The following CD59 variants were observed in gnomAD, a reference collection of about 807,000 sequenced individuals.
The protein encoded by CD59 is CD59 molecule (CD59 blood group).
In CD59, 3 loss-of-function variants were observed where a neutral mutation model predicts 7.0. The observed-to-expected ratio is 0.43, with a 90% CI of 0.19 to 1.10. The LOEUF is 1.10. Among genes scored for constraint, CD59 ranks in the 50% least tolerant of loss-of-function variants. The probability of loss-of-function intolerance (pLI) is 0.29; values close to 1 mark genes in which losing one functional copy is unlikely to be tolerated. For synonymous variants in CD59, 60 were observed against 62.0 expected (o/e 0.97, Z 0.15); for missense variants, 143 against 151.0 (o/e 0.95, Z 0.28).
intron 3 of CD59, among the ~76,000 whole-genome samples, chr11:33,714,784 T>A (rs190723812): frequency 6.6e-6 from 1 of 152,140 alleles, no homozygotes; most frequent in Non-Finnish European, 1.5e-5. Context: ...TAGTCCTACA[T>A]AGGGTCTGGA....
rs1210316484 is a variant in CD59 at position 33,735,583 on chromosome 11, C to T, written c.-19+799G>A. ...AGTCAGACTCTAAGAAGGGTGCGGC[C>T]CGAGCCGACCCAAGAAAACAAAACA... On this transcript the variant is annotated intron_variant, in intron 1 of 3. Transcript: ENST00000642928. Among the ~76,000 whole-genome samples the T allele has an allele frequency of 3.3e-5, 5 of 152,196 alleles. No individual in the cohort carries two copies. In the East Asian group the frequency reaches 9.7e-4, roughly 29 times the overall value.
In CD59 at chr11:33,710,281, G is replaced by A. The variant is rs146075291; in HGVS notation, c.232C>T (p.Arg78Cys). 1.9e-6 allele frequency: 3 copies of A among 1,614,134 alleles called. No individual in the cohort carries two copies. Among genetic ancestry groups the A allele is most frequent in the Non-Finnish European group, 1.7e-6 (2 of 1,180,000 alleles). ...TACGTTAGCTCATTTTCCCTCAAGC[G>A]GGTTGTGACGTCGTTGAAATTGCAA... The part of the protein sequence containing the change: ...EHCNFNDVTT[R>C]LRENELTYYC... The change falls in exon 4 of 4, where the codon CGC becomes TGC. Residue 78 changes from arginine to cysteine, a missense_variant. By Grantham distance (180) the Arg-to-Cys change is radical. Coordinates refer to ENST00000642928, the MANE Select transcript of CD59 (RefSeq NM_000611.6).
At chr11:33,731,704 G>C (rs1279987138) in intron 1 of CD59, among the ~76,000 whole-genome samples, 3 of 152,180 alleles carry the variant, frequency 2.0e-5, no homozygotes, top group East Asian at 3.8e-4. Context: ...TGGCATAAGG[G>C]CCAGGTTACT....
rs377437225 is a variant in CD59 at position 33,736,245 on chromosome 11, G to C, written c.-19+137C>G. The C allele has an allele frequency of 6.6e-6, 1 of 152,370 alleles. No homozygotes were observed. Among genetic ancestry groups the C allele is most frequent in the Non-Finnish European group, 1.5e-5 (1 of 68,176 alleles). 9.4% of individuals were successfully genotyped at this position (152,370 alleles called of 1,614,324 possible). A position where few individuals can be genotyped will look rare whatever the true frequency, so the allele number is the denominator to read the frequency against. ...TGACGGGTTGGAAGGGCCAGGCCTCGGGAGGCTCGCCCGGCAGGGGTCGAG... is the reference window on the plus strand; with the variant it reads ...TGACGGGTTGGAAGGGCCAGGCCTCCGGAGGCTCGCCCGGCAGGGGTCGAG... On this transcript the variant is annotated intron_variant, in intron 1 of 3. Transcript: ENST00000642928. The surrounding 1 kb of genome is among the most constrained non-coding windows in gnomAD (Gnocchi z 4.4).
At chr11:33,726,784 A>G (rs777657065) in intron 1 of CD59, among the ~76,000 whole-genome samples, 35 of 152,204 alleles carry the variant, frequency 2.3e-4, no homozygotes, top group Non-Finnish European at 4.7e-4. Flanking sequence ...TAGCCAGACT[A>G]ATAAAGAAGG....
At chr11:33,726,081 G>A (rs561393034) in intron 1 of CD59, among the ~76,000 whole-genome samples, 2 of 152,178 alleles carry the variant, frequency 1.3e-5, no homozygotes, top group Admixed American at 1.3e-4. Flanking sequence ...CAATAATAGT[G>A]GGAGACTTTA....
chr11:33,717,302 G>A (rs1853837446), intron 3 of CD59, 68 bp downstream of exon 3: 1 of 929,900 alleles, frequency 1.1e-6, no homozygotes, highest in African/African-American at 1.6e-5. Context: ...GGATTACAGT[G>A]GCACAATTTT....
chr11:33,736,467 GC>G (rs888440635), upstream of CD59: 7 of 152,460 alleles, frequency 4.6e-5, no homozygotes, highest in African/African-American at 9.6e-5. This position sits in a 1 kb window ranked among gnomAD's most constrained non-coding sequence, Gnocchi z 4.4. Context: ...GCAAGGCTCC[GC>G]CCCCCGGCCC....
chr11:33,735,913 C>CAAA (rs571280343), intron 1 of CD59, among the ~76,000 whole-genome samples: 1 of 139,778 alleles, frequency 7.2e-6, no homozygotes, highest in Non-Finnish European at 1.6e-5. Flanking sequence ...AACTCCATCT[C>CAAA]AAAAAAAAAA....
At chr11:33,736,424 G>C (rs1854581126), upstream of CD59, 1 of 152,610 alleles carries the variant, frequency 6.6e-6, no homozygotes, top group Non-Finnish European at 1.5e-5. The surrounding 1 kb of genome is among the most constrained non-coding windows in gnomAD (Gnocchi z 4.4). Context: ...AGCCGCTTCT[G>C]CGCTCAGCCC....
chr11:33,720,176 T>C (rs756660852), intron 2 of CD59, among the ~76,000 whole-genome samples: 2 of 152,208 alleles, frequency 1.3e-5, no homozygotes, highest in African/African-American at 4.8e-5. Context: ...CTTCATAGGA[T>C]TGTTAAGAGA....
chr11:33,705,782 G>A lies in CD59; in HGVS notation c.*4344C>T, dbSNP rs1853284737. 6.6e-6 allele frequency: 1 copy of A among 152,094 alleles called. No individual in the cohort carries two copies. The highest frequency in any genetic ancestry group is 1.5e-5 in the Non-Finnish European group (1 of 68,046). The allele number at this position is 152,094 out of a possible 1,614,324, so 9.4% of individuals were successfully genotyped here. ...TATATCCTACTAATTCTGTCCCTCT[G>A]GAGAACCCTAATACATGAATTATAA... On this transcript the variant is annotated 3_prime_UTR_variant, in exon 4 of 4. Transcript: ENST00000642928.
chr11:33,711,155 G>A (rs1853539087), intron 3 of CD59, among the ~76,000 whole-genome samples: 1 of 151,986 alleles, frequency 6.6e-6, no homozygotes, highest in Non-Finnish European at 1.5e-5. Context: ...TCACAGAAAG[G>A]GAGAAAATGT....
At chr11:33,730,459 C>G (rs1339039412) in intron 1 of CD59, among the ~76,000 whole-genome samples, 1 of 152,136 alleles carries the variant, frequency 6.6e-6, no homozygotes, top group Non-Finnish European at 1.5e-5. Flanking sequence ...ACAGACCAGA[C>G]ATGGCACCAA....
intron 2 of CD59, among the ~76,000 whole-genome samples, chr11:33,721,229 C>T (rs1854046616): frequency 6.6e-6 from 1 of 152,224 alleles, no homozygotes; most frequent in South Asian, 2.1e-4. Context: ...GCCATGACTT[C>T]TCTTTCTGCT....
In CD59 at chr11:33,710,301, T is replaced by C. The variant is rs1853486429; in HGVS notation, c.212A>G (p.Asn71Ser). 1 of 1,614,144 alleles carries C rather than the reference T, an allele frequency of 6.2e-7. No homozygotes were observed. ...YNKCWKFEHC[N>S]FNDVTTRLRE... ...CAAGCGGGTTGTGACGTCGTTGAAA[T>C]TGCAATGCTCAAACTTCCAACACTT... The change falls in exon 4 of 4, where the codon AAT becomes AGT. Residue 71 changes from asparagine (N) to serine (S), a missense_variant. Asn to Ser is a conservative substitution (Grantham distance 46). Transcript: ENST00000642928.
chr11:33,733,802 G>A (rs1415020781), intron 1 of CD59, among the ~76,000 whole-genome samples: 2 of 152,178 alleles, frequency 1.3e-5, no homozygotes, highest in Non-Finnish European at 2.9e-5. Context: ...GGTCATTAGA[G>A]AAGAGAGTTG....
chr11:33,722,296 C>CAGCTGGGGCTGA, intron 2 of CD59, 83 bp downstream of exon 2: 1 of 1,013,868 alleles, frequency 9.9e-7, no homozygotes, highest in Non-Finnish European at 1.6e-6. Context: ...CCTGGAGGAG[C>CAGCTGGGGCTGA]AGCTGGGGCT....
At position 33,710,222 on chromosome 11, in the gene CD59, G is replaced by A. The variant is rs531865023; in HGVS notation, c.291C>T (p.Asn97=). The stretch of plus-strand genomic sequence containing the variant: ...ATGTCCCACCATTTTCAAGCTGTTC[G>A]TTAAAGTTACACAGGTCCTTCTTGC... ...YCCKKDLCNF[N]EQLENGGTSL... Residue 97 remains asparagine (N), a synonymous_variant, in exon 4 of 4, where the codon AAC becomes AAT. Transcript: ENST00000642928. The A allele has an allele frequency of 9.9e-6, 16 of 1,614,150 alleles. No individual in the cohort carries two copies. In the East Asian group the frequency reaches 1.8e-4, roughly 18 times the overall value.
Sources: gnomAD v4.1 joint callset for allele counts (sites outside exome capture counted in the v4.1 genomes callset) on GRCh38, gnomAD v4.1.1 for gene constraint, Gnocchi (gnomAD v3.1) non-coding constraint, MANE v1.5 for transcripts, NCBI Gene and HGNC (gene_info 2026-07-23, HGNC 2026-07-21) for gene names.